The following EYS variants were observed in gnomAD, a reference collection of about 807,000 sequenced individuals.
EYS encodes EGF-like photoreceptor maintenance factor.
EYS carries 250 observed loss-of-function variants against 282.1 expected under a neutral mutation model. The observed-to-expected ratio is 0.89, with a 90% CI of 0.80 to 0.98. EYS has a LOEUF of 0.98. Ranked by LOEUF, EYS falls within the 50% of genes least tolerant of loss-of-function variation. The probability of loss-of-function intolerance (pLI) is 0.00; values close to 1 mark genes in which losing one functional copy is unlikely to be tolerated. For synonymous variants in EYS, 1,355 were observed against 1,282.9 expected (o/e 1.06, Z -1.20); for missense variants, 4,016 against 3,709.0 (o/e 1.08, Z -2.15).
chr6:65,540,107 A>G (rs1476795180), intron 2 of EYS, among the ~76,000 whole-genome samples: 1 of 152,204 alleles, frequency 6.6e-6, no homozygotes, highest in Non-Finnish European at 1.5e-5. Flanking sequence ...TTTAGTTTTT[A>G]ACAGAATCGT....
chr6:65,089,310 C>CT (rs1273224483), intron 12 of EYS, among the ~76,000 whole-genome samples: 1 of 152,168 alleles, frequency 6.6e-6, no homozygotes, highest in Non-Finnish European at 1.5e-5. Context: ...GGAGAGGGTG[C>CT]TGTGCCTGCA....
chr6:64,214,618 A>G (rs1052661193), intron 31 of EYS, among the ~76,000 whole-genome samples: 1 of 152,080 alleles, frequency 6.6e-6, no homozygotes, highest in Non-Finnish European at 1.5e-5. Context: ...TAATGTCTAC[A>G]CAGATTAAAG....
chr6:63,911,521 T>C (rs1384817570), intron 35 of EYS, among the ~76,000 whole-genome samples: 6 of 152,250 alleles, frequency 3.9e-5, no homozygotes, highest in Non-Finnish European at 8.8e-5. Context: ...TTATTCATAT[T>C]ATTTTCCATT....
chr6:65,374,386 A>G (rs1390248941), intron 8 of EYS, among the ~76,000 whole-genome samples: 1 of 151,932 alleles, frequency 6.6e-6, no homozygotes, highest in East Asian at 1.9e-4. Flanking sequence ...CACTTTTCCC[A>G]TGGTTTTTGC....
intron 5 of EYS, among the ~76,000 whole-genome samples, chr6:65,475,752 GACAGACAC>G (rs1231809438): frequency 6.9e-6 from 1 of 144,674 alleles, no homozygotes; most frequent in Admixed American, 7.0e-5. Context: ...CAGACAGACA[GACAGACAC>G]ACACACACAC....
In EYS at chr6:63,720,583, C is replaced by T. The variant is rs549203667; in HGVS notation, c.*13G>A. On this transcript the variant is annotated 3_prime_UTR_variant, in exon 43 of 43. Coordinates refer to ENST00000503581, the MANE Select transcript of EYS (RefSeq NM_001142800.2). ...ATTTATGTATAGTGTGTACTAAAATCTCTAGTGTTAACTTATGTAACCTCA... is the reference window on the plus strand; with the variant it reads ...ATTTATGTATAGTGTGTACTAAAATTTCTAGTGTTAACTTATGTAACCTCA... 6.9e-7 allele frequency: 1 copy of T among 1,446,186 alleles called. No individual in the cohort carries two copies. Among genetic ancestry groups the T allele is most frequent in the Admixed American group, 2.7e-5 (1 of 36,976 alleles). The allele number at this position is 1,446,186 out of a possible 1,614,324, so 89.6% of individuals were successfully genotyped here.
At chr6:65,415,983 G>A (rs1486411795) in intron 5 of EYS, among the ~76,000 whole-genome samples, 1 of 151,922 alleles carries the variant, frequency 6.6e-6, no homozygotes, top group East Asian at 1.9e-4. Flanking sequence ...TAATTTTGCA[G>A]GGGGTTACAA....
At chr6:64,344,641 G>GAAA (rs1771295510) in intron 29 of EYS, among the ~76,000 whole-genome samples, 1 of 152,130 alleles carries the variant, frequency 6.6e-6, no homozygotes, top group African/African-American at 2.4e-5. Flanking sequence ...ACTGGCACAA[G>GAAA]ACGGGGATGC....
chr6:65,017,986 G>A (rs1033470443), intron 13 of EYS, among the ~76,000 whole-genome samples: 6 of 152,132 alleles, frequency 3.9e-5, no homozygotes, highest in African/African-American at 1.4e-4. Flanking sequence ...TCATGGTATG[G>A]AGCCAATAAA....
chr6:64,262,818 C>G (rs970983487), intron 30 of EYS, among the ~76,000 whole-genome samples: 1 of 151,994 alleles, frequency 6.6e-6, no homozygotes, highest in Non-Finnish European at 1.5e-5. Flanking sequence ...CAGTATGTCT[C>G]TCTTTTCATT....
intron 7 of EYS, among the ~76,000 whole-genome samples, chr6:65,396,477 T>C (rs1432548404): frequency 6.6e-6 from 1 of 152,216 alleles, no homozygotes; most frequent in Non-Finnish European, 1.5e-5. Flanking sequence ...CTTGTGTGAA[T>C]TAGATTACAC....
chr6:64,112,641 A>G (rs925659832), intron 31 of EYS, among the ~76,000 whole-genome samples: 20 of 151,540 alleles, frequency 1.3e-4, no homozygotes, highest in Admixed American at 1.3e-3. Context: ...CTATCACATG[A>G]AACAAGTTCT....
intron 1 of EYS, among the ~76,000 whole-genome samples, chr6:65,691,289 T>C (rs1769232563): frequency 6.6e-6 from 1 of 150,424 alleles, no homozygotes; most frequent in Non-Finnish European, 1.5e-5. Context: ...TGGTGTAAGA[T>C]GGTACCTCAT....
intron 31 of EYS, among the ~76,000 whole-genome samples, chr6:64,087,484 G>A (rs1772195470): frequency 6.6e-6 from 1 of 151,956 alleles, no homozygotes. Flanking sequence ...TGGAAGACTA[G>A]ATAAAAAGGA....
At chr6:64,553,117 C>T (rs1300757678) in intron 26 of EYS, among the ~76,000 whole-genome samples, 1 of 152,052 alleles carries the variant, frequency 6.6e-6, no homozygotes. Context: ...ACCTTGGGCA[C>T]ATGTTCTCAG....
chr6:64,784,101 CTTAAG>C (rs1773944508), intron 22 of EYS, among the ~76,000 whole-genome samples: 2 of 152,016 alleles, frequency 1.3e-5, no homozygotes, highest in African/African-American at 4.8e-5. Flanking sequence ...TATCCCAACA[CTTAAG>C]TTATTTTTAT....
At chr6:64,684,415 G>A (rs1770012830) in intron 22 of EYS, among the ~76,000 whole-genome samples, 2 of 151,916 alleles carry the variant, frequency 1.3e-5, no homozygotes, top group Non-Finnish European at 1.5e-5. Context: ...CAGTGGACCT[G>A]CATTTCAGTA....
chr6:65,676,247 A>T (rs1200005670), intron 1 of EYS, among the ~76,000 whole-genome samples: 2 of 151,884 alleles, frequency 1.3e-5, no homozygotes, highest in East Asian at 3.9e-4. Flanking sequence ...AGAAACAAAT[A>T]GAAAATAGAA....
chr6:65,139,184 A>C (rs1346964323), intron 12 of EYS, among the ~76,000 whole-genome samples: 1 of 152,116 alleles, frequency 6.6e-6, no homozygotes, highest in Non-Finnish European at 1.5e-5. Context: ...ATCAACCTAG[A>C]TGCCCATCAA....
Sources: gnomAD v4.1 joint callset for allele counts (sites outside exome capture counted in the v4.1 genomes callset) on GRCh38, gnomAD v4.1.1 for gene constraint, MANE v1.5 for transcripts, NCBI Gene and HGNC (gene_info 2026-07-23, HGNC 2026-07-21) for gene names.